The following SYT7 variants were observed in gnomAD, a reference collection of about 807,000 sequenced individuals.
The protein encoded by SYT7 is synaptotagmin-7.
SYT7 carries 29 observed loss-of-function variants against 75.1 expected under a neutral mutation model. That is an observed-to-expected ratio of 0.39 (90% CI 0.29 to 0.53). The LOEUF (loss-of-function observed/expected upper bound fraction) is 0.53, where lower values mean the gene tolerates loss of function less well. SYT7 is among the 20% of genes least tolerant of loss of function. The pLI is 0.77. For synonymous variants in SYT7, 376 were observed against 401.7 expected, an observed-to-expected ratio of 0.94 and a Z score of 0.76; for missense variants, 693 against 953.2, an observed-to-expected ratio of 0.73 and a Z score of 3.59.
the SYT7 span, among the ~76,000 whole-genome samples, chr11:61,588,028 T>C: frequency 1.3e-5 from 2 of 152,122 alleles, no homozygotes; most frequent in Non-Finnish European, 2.9e-5. Context: ...GTGGGGCCTA[T>C]CCCTCGCAGG....
Position 61,542,111 on chromosome 11 carries a change from G to T in SYT7, c.941+100C>A. On this transcript the variant is annotated intron_variant, in intron 6 of 12. Coordinates refer to ENST00000539008, the MANE Select transcript of SYT7 (RefSeq NM_001365809.2). The surrounding 1 kb of genome is among the most constrained non-coding windows in gnomAD (Gnocchi z 7.8). The stretch of plus-strand genomic sequence containing the variant: ...TTGGCACCCTGCCAAGGGGATGGAG[G>T]GCCGGGAGGTACACACAACCAGCTG... 2.1e-6 allele frequency: 3 copies of T among 1,425,864 alleles called. No homozygotes were observed. Among genetic ancestry groups the T allele is most frequent in the Non-Finnish European group, 2.8e-6 (3 of 1,085,006 alleles). 88.3% of individuals were successfully genotyped at this position (1,425,864 alleles called of 1,614,324 possible).
chr11:61,521,872 C>T lies in SYT7; in HGVS notation c.1956+1203G>A, dbSNP rs184663064. Among the ~76,000 whole-genome samples, 9 of 152,308 alleles carry T rather than the reference C, an allele frequency of 5.9e-5. 1 individual carries two copies. The highest frequency in any genetic ancestry group is 2.2e-4 in the African/African-American group (9 of 41,576). On this transcript the variant is annotated intron_variant, in intron 12 of 12. Transcript: ENST00000539008. ...TTATCATACTAGCTAACATATGTTC[C>T]AAGTCCTATGCTAAACAGCTCACCT...
chr11:61,534,157 C>T (rs2135162914), intron 7 of SYT7, among the ~76,000 whole-genome samples: 1 of 152,316 alleles, frequency 6.6e-6, no homozygotes, highest in South Asian at 2.1e-4. Flanking sequence ...GGACCAGTAG[C>T]ATGAGGCTCA....
intron 9 of SYT7, among the ~76,000 whole-genome samples, chr11:61,527,155 A>T (rs560490238): frequency 6.6e-6 from 1 of 152,284 alleles, no homozygotes; most frequent in Non-Finnish European, 1.5e-5. Context: ...GAGAGAAAGG[A>T]CATTTGTCTC....
In SYT7 at chr11:61,542,351, A is replaced by T. The variant is rs1171498435; in HGVS notation, c.801T>A (p.Tyr267Ter). Residue 267 changes from tyrosine (Y) to a stop codon, truncating the protein, a stop_gained, in exon 6 of 13, where the codon TAT becomes TAA. Coordinates refer to ENST00000539008, the MANE Select transcript of SYT7 (RefSeq NM_001365809.2). LOFTEE classifies it high-confidence loss of function. This position sits in a 1 kb window ranked among gnomAD's most constrained non-coding sequence, Gnocchi z 7.8. ...ASAPGPNPRA[Y>*]GRGQARQGTS... ...TGCCCTGCCGAGCCTGGCCCCGGCC[A>T]TAGGCCCGGGGGTTGGGGCCTGGTG... The T allele has an allele frequency of 6.5e-7, 1 of 1,530,500 alleles. No homozygotes were observed. Among genetic ancestry groups the T allele is most frequent in the Non-Finnish European group, 8.7e-7 (1 of 1,144,346 alleles). 94.8% of individuals were successfully genotyped at this position (1,530,500 alleles called of 1,614,324 possible).
intron 2 of SYT7, among the ~76,000 whole-genome samples, chr11:61,555,394 G>GCGGCT (rs962934388): frequency 3.3e-5 from 5 of 152,228 alleles, no homozygotes; most frequent in African/African-American, 1.2e-4. Context: ...TTGCGGAGCA[G>GCGGCT]CGGCTCGGGG....
At chr11:61,555,116 G>A (rs571347532) in intron 2 of SYT7, among the ~76,000 whole-genome samples, 4 of 152,318 alleles carry the variant, frequency 2.6e-5, no homozygotes, top group African/African-American at 7.2e-5. Context: ...CACAGCCACA[G>A]TGCTCCCCCC....
At chr11:61,575,695 G>A (rs1275471902) in intron 1 of SYT7, among the ~76,000 whole-genome samples, 3 of 152,288 alleles carry the variant, frequency 2.0e-5, no homozygotes, top group East Asian at 3.9e-4. Context: ...GTACAGGGCC[G>A]GGGGAGGGGC....
At position 61,576,432 on chromosome 11, in the gene SYT7, G is replaced by A. The variant is rs1162480866; in HGVS notation, c.31+4358C>T. Reference sequence around the variant, plus strand: ...CTCTCGGCCACATATGCCACCTGCCGGGCACTGTCTGTGGAGCAGAGGACC... The same window carrying A: ...CTCTCGGCCACATATGCCACCTGCCAGGCACTGTCTGTGGAGCAGAGGACC... On this transcript the variant is annotated intron_variant, in intron 1 of 12. Coordinates refer to ENST00000539008, the MANE Select transcript of SYT7 (RefSeq NM_001365809.2). This position sits in a 1 kb window ranked among gnomAD's most constrained non-coding sequence, Gnocchi z 4.1. Among the ~76,000 whole-genome samples the A allele has an allele frequency of 6.6e-6, 1 of 152,168 alleles. No homozygotes were observed. Among genetic ancestry groups the A allele is most frequent in the Non-Finnish European group, 1.5e-5 (1 of 68,024 alleles).
intron 8 of SYT7, among the ~76,000 whole-genome samples, chr11:61,530,003 G>C (rs2062654246): frequency 6.6e-6 from 1 of 152,184 alleles, no homozygotes; most frequent in African/African-American, 2.4e-5. Flanking sequence ...CCTGTGCCCT[G>C]TGCCTTGTCC....
intron 6 of SYT7, chr11:61,540,836 C>T: frequency 2.0e-6 from 2 of 985,486 alleles, no homozygotes; most frequent in Non-Finnish European, 2.4e-6. Flanking sequence ...AAGATCCACG[C>T]CTGGATCACA....
In SYT7 at chr11:61,523,801, C is replaced by G; in HGVS notation, c.1756+26G>C. Reference sequence around the variant, plus strand: ...GTCACCAGCACCTCCCCGGCCCGCCCATCCTCTGCTGGAGAAGCCCCGTAC... The same window carrying G: ...GTCACCAGCACCTCCCCGGCCCGCCGATCCTCTGCTGGAGAAGCCCCGTAC... On this transcript the variant is annotated intron_variant, in intron 11 of 12. Transcript: ENST00000539008. This position sits in a 1 kb window ranked among gnomAD's most constrained non-coding sequence, Gnocchi z 5.0. The G allele has an allele frequency of 6.2e-7, 1 of 1,607,578 alleles. No individual in the cohort carries two copies. The highest frequency in any genetic ancestry group is 8.5e-7 in the Non-Finnish European group (1 of 1,174,210).
chr11:61,533,705 T>C (rs997547010), intron 7 of SYT7: 1 of 983,076 alleles, frequency 1.0e-6, no homozygotes, highest in African/African-American at 1.7e-5. Context: ...GAGTGTTCTG[T>C]ATTTGTGCTG....
chr11:61,579,900 G>C (rs2064199001), intron 1 of SYT7, among the ~76,000 whole-genome samples: 1 of 152,226 alleles, frequency 6.6e-6, no homozygotes. Context: ...CGGGGATGGA[G>C]CCTGGGCAGG....
Position 61,551,340 on chromosome 11 carries a change from G to A in SYT7, c.215+44C>T, listed in dbSNP as rs1280844855. On this transcript the variant is annotated intron_variant, in intron 3 of 12. Coordinates refer to ENST00000539008, the MANE Select transcript of SYT7 (RefSeq NM_001365809.2). The surrounding 1 kb of genome is among the most constrained non-coding windows in gnomAD (Gnocchi z 5.3). ...GAGAGAAGGGGCTCCTCCCACCTGGGCTGCTTGTGTGGCCCCATCCCAAAC... is the reference window on the plus strand; with the variant it reads ...GAGAGAAGGGGCTCCTCCCACCTGGACTGCTTGTGTGGCCCCATCCCAAAC... 6.3e-7 allele frequency: 1 copy of A among 1,591,418 alleles called. No individual in the cohort carries two copies. The highest frequency in any genetic ancestry group is 8.6e-7 in the Non-Finnish European group (1 of 1,161,180).
Position 61,546,360 on chromosome 11 carries a change from A to G in SYT7, c.348-105T>C, listed in dbSNP as rs1028326038. The G allele has an allele frequency of 1.5e-6, 1 of 684,840 alleles. No homozygotes were observed. The highest frequency in any genetic ancestry group is 2.3e-6 in the Non-Finnish European group (1 of 429,058). The allele number at this position is 684,840 out of a possible 1,614,324, so 42.4% of individuals were successfully genotyped here. A position where few individuals can be genotyped will look rare whatever the true frequency, so the allele number is the denominator to read the frequency against. On this transcript the variant is annotated intron_variant, in intron 4 of 12. Coordinates refer to ENST00000539008, the MANE Select transcript of SYT7 (RefSeq NM_001365809.2). The surrounding 1 kb of genome is among the most constrained non-coding windows in gnomAD (Gnocchi z 7.6). ...GGTCGGGGGGTGGAAGAGGAAGAAAAACAATAACAGATAAAAGGAAGAAAG... is the reference window on the plus strand; with the variant it reads ...GGTCGGGGGGTGGAAGAGGAAGAAAGACAATAACAGATAAAAGGAAGAAAG...
At position 61,513,787 on chromosome 11, in the gene SYT7, C is replaced by T. The variant is rs1051152926; in HGVS notation, c.*4840G>A. ...GGAACATGTATGCAGACAGGGATCCCTGCCCAGGGGGCTCACAATCTACAC... is the reference window on the plus strand; with the variant it reads ...GGAACATGTATGCAGACAGGGATCCTTGCCCAGGGGGCTCACAATCTACAC... On this transcript the variant is annotated 3_prime_UTR_variant, in exon 13 of 13. Coordinates refer to ENST00000539008, the MANE Select transcript of SYT7 (RefSeq NM_001365809.2). Among the ~76,000 whole-genome samples the T allele has an allele frequency of 6.6e-6, 1 of 151,886 alleles. No individual in the cohort carries two copies. Among genetic ancestry groups the T allele is most frequent in the Non-Finnish European group, 1.5e-5 (1 of 67,936 alleles).
At chr11:61,587,841 C>T in the SYT7 span, among the ~76,000 whole-genome samples, 4 of 152,312 alleles carry the variant, frequency 2.6e-5, no homozygotes, top group South Asian at 2.1e-4. Flanking sequence ...TGCCGCGGAG[C>T]CCGCGTGAGC....
chr11:61,518,745 G>C lies in SYT7; in HGVS notation c.1957-14C>G. ...GGACAGGTAGATCTGGGGAGAAAGG[G>C]GAGACGATGGCATCGGCACAGGCTC... On this transcript the variant is annotated splice_polypyrimidine_tract_variant and intron_variant, in intron 12 of 12. Coordinates refer to ENST00000539008, the MANE Select transcript of SYT7 (RefSeq NM_001365809.2). 1 of 1,524,072 alleles carries C rather than the reference G, an allele frequency of 6.6e-7. No individual in the cohort carries two copies. The highest frequency in any genetic ancestry group is 8.9e-7 in the Non-Finnish European group (1 of 1,127,868). The allele number at this position is 1,524,072 out of a possible 1,614,324, so 94.4% of individuals were successfully genotyped here. A position where few individuals can be genotyped will look rare whatever the true frequency, so the allele number is the denominator to read the frequency against.
Sources: allele counts gnomAD v4.1 joint callset (sites outside exome capture counted in the v4.1 genomes callset), GRCh38; gene constraint gnomAD v4.1.1; non-coding constraint Gnocchi (gnomAD v3.1); transcripts MANE v1.5; gene names NCBI Gene and HGNC (gene_info 2026-07-23, HGNC 2026-07-21).